MAST2: variants seen among roughly 807,000 people sequenced by gnomAD.
MAST2 encodes the protein microtubule-associated serine/threonine-protein kinase 2.
A neutral mutation model predicts 147.4 loss-of-function variants in MAST2; 70 were observed. That is an observed-to-expected ratio of 0.47 (90% CI 0.39 to 0.58). MAST2 has a LOEUF of 0.58. Among genes scored for constraint, MAST2 ranks in the 20% least tolerant of loss-of-function variants. MAST2 has a pLI of 0.00. For synonymous variants in MAST2, 869 were observed against 896.8 expected, an observed-to-expected ratio of 0.97 and a Z score of 0.55; for missense variants, 2,080 against 2,302.3, an observed-to-expected ratio of 0.90 and a Z score of 1.98.
chr1:45,897,764 A>G (rs1486097514), intron 4 of MAST2, among the ~76,000 whole-genome samples: 3 of 151,492 alleles, frequency 2.0e-5, no homozygotes, highest in South Asian at 2.1e-4. Flanking sequence ...AGCCATAATC[A>G]CGCCGCTGCA....
chr1:45,914,837 C>A (rs1221696579), intron 4 of MAST2, among the ~76,000 whole-genome samples: 2 of 152,170 alleles, frequency 1.3e-5, no homozygotes, highest in African/African-American at 4.8e-5. Context: ...TAAAAACAGA[C>A]TTCATCAACT....
At chr1:45,955,373 A>G (rs994514162) in intron 4 of MAST2, among the ~76,000 whole-genome samples, 3 of 152,156 alleles carry the variant, frequency 2.0e-5, no homozygotes, top group African/African-American at 7.2e-5. Flanking sequence ...ATCCCTGCAA[A>G]TAGCTGTTAT....
chr1:45,902,780 ATAG>A (rs1650003218), intron 4 of MAST2, among the ~76,000 whole-genome samples: 1 of 152,034 alleles, frequency 6.6e-6, no homozygotes, highest in African/African-American at 2.4e-5. Context: ...TAGAGATGTT[ATAG>A]TAGTCTCTGA....
intron 4 of MAST2, among the ~76,000 whole-genome samples, chr1:45,949,342 A>G (rs1308277720): frequency 6.6e-6 from 1 of 152,256 alleles, no homozygotes; most frequent in African/African-American, 2.4e-5. Flanking sequence ...TCTAATATTC[A>G]GCATCTATAA....
intron 6 of MAST2, among the ~76,000 whole-genome samples, chr1:46,002,111 G>C (rs944364821): frequency 6.6e-6 from 1 of 151,786 alleles, no homozygotes; most frequent in Non-Finnish European, 1.5e-5. Context: ...GTGGCGGGGT[G>C]GGGGGGCATG....
intron 4 of MAST2, among the ~76,000 whole-genome samples, chr1:45,900,231 G>A (rs1333206947): frequency 2.0e-5 from 3 of 147,836 alleles, no homozygotes; most frequent in African/African-American, 7.5e-5. Context: ...TAGTGGGATT[G>A]CTAGATCAAA....
At chr1:45,939,603 C>T (rs551892421) in intron 4 of MAST2, among the ~76,000 whole-genome samples, 6 of 152,004 alleles carry the variant, frequency 3.9e-5, no homozygotes, top group Admixed American at 1.3e-4. Context: ...TGCAATAGCG[C>T]GATCTCAGCT....
chr1:46,008,098 C>T (rs1260593832), intron 8 of MAST2, among the ~76,000 whole-genome samples, 198 bp from the exon 9 acceptor site: 1 of 152,092 alleles, frequency 6.6e-6, no homozygotes, highest in Non-Finnish European at 1.5e-5. Context: ...AGCCTAGCTC[C>T]ATATAGTACC....
intron 1 of MAST2, among the ~76,000 whole-genome samples, chr1:45,811,140 C>T (rs1393702821): frequency 1.3e-5 from 2 of 149,344 alleles, no homozygotes; most frequent in Non-Finnish European, 1.5e-5. Context: ...CGTGGGCCAC[C>T]GTGCCTAGCC....
intron 3 of MAST2, among the ~76,000 whole-genome samples, chr1:45,830,642 G>A (rs975110520): frequency 7.9e-5 from 12 of 152,264 alleles, no homozygotes; most frequent in East Asian, 3.9e-4. Flanking sequence ...CAGTTGTGCT[G>A]CTTTGGTTTA....
At chr1:45,837,700 C>A (rs920002901) in intron 3 of MAST2, among the ~76,000 whole-genome samples, 1 of 152,160 alleles carries the variant, frequency 6.6e-6, no homozygotes, top group African/African-American at 2.4e-5. Context: ...AAGAAACTGC[C>A]AACCTGTTTT....
At chr1:45,960,578 G>A (rs890898839) in intron 5 of MAST2, among the ~76,000 whole-genome samples, 1 of 152,186 alleles carries the variant, frequency 6.6e-6, no homozygotes, top group African/African-American at 2.4e-5. Flanking sequence ...CCAGAGAGGG[G>A]CAGAAGAAAG....
chr1:45,813,519 A>T (rs1177075131), intron 1 of MAST2, among the ~76,000 whole-genome samples: 2 of 142,846 alleles, frequency 1.4e-5, no homozygotes, highest in Non-Finnish European at 3.0e-5. Flanking sequence ...TTTTTTTGAG[A>T]CGAAGTTTTG....
At chr1:45,917,632 G>A in intron 4 of MAST2, 2 of 874,896 alleles carry the variant, frequency 2.3e-6, no homozygotes, top group Non-Finnish European at 3.3e-6. Context: ...AATGGAGTAA[G>A]AGTCTTGGTT....
chr1:45,995,122 GAGC>G (rs894391798), intron 5 of MAST2, among the ~76,000 whole-genome samples: 4 of 152,096 alleles, frequency 2.6e-5, no homozygotes, highest in Admixed American at 1.3e-4. Flanking sequence ...TTACGGGCGT[GAGC>G]CACCACGCCT....
In MAST2 at chr1:46,030,688, AAGG is replaced by A; in HGVS notation, c.2640_2642del (p.Glu880del). On this transcript the variant is annotated inframe_deletion, in exon 22 of 29. Coordinates refer to ENST00000361297, the MANE Select transcript of MAST2 (RefSeq NM_015112.3). ...GACCAAGCGCAGCCTGAGTGAGGAGAAGGAGGACCATTCAGATGGCCTGGCAGG... is the reference window on the plus strand; with the variant it reads ...GACCAAGCGCAGCCTGAGTGAGGAGAAGGACCATTCAGATGGCCTGGCAGG... 6.2e-7 allele frequency: 1 copy of A among 1,608,880 alleles called. No homozygotes were observed. The highest frequency in any genetic ancestry group is 8.5e-7 in the Non-Finnish European group (1 of 1,178,456).
chr1:45,835,648 G>A (rs1305155372), intron 3 of MAST2, among the ~76,000 whole-genome samples: 1 of 152,028 alleles, frequency 6.6e-6, no homozygotes, highest in African/African-American at 2.4e-5. Context: ...GTACATTTTA[G>A]TGGCATTTCA....
rs182211470 is a variant in MAST2, at chr1:46,033,916, C to T, written c.3652C>T (p.Arg1218Cys). The T allele has an allele frequency of 6.9e-5, 112 of 1,614,082 alleles. No homozygotes were observed. The highest frequency in any genetic ancestry group is 3.3e-5 in the South Asian group (3 of 91,066). ...GATGGCCCGAAGGAGCAAGAGGAGC[C>T]GCGGCAAGGATGGGCAAGAAAGGTG... The part of the protein sequence containing the change: ...AKMARRSKRS[R>C]GKDGQESRKR... Residue 1218 changes from arginine to cysteine, a missense_variant, in exon 27 of 29, where the codon CGC becomes TGC. Physicochemically the swap from Arg to Cys is radical, Grantham distance 180. Transcript: ENST00000361297.
chr1:45,867,167 T>C (rs1354219539), intron 3 of MAST2, among the ~76,000 whole-genome samples: 1 of 152,260 alleles, frequency 6.6e-6, no homozygotes, highest in East Asian at 1.9e-4. Flanking sequence ...TTGTTTTAAA[T>C]AGTTACATTA....
Sources: allele counts gnomAD v4.1 joint callset (sites outside exome capture counted in the v4.1 genomes callset), GRCh38; gene constraint gnomAD v4.1.1; transcripts MANE v1.5; gene names NCBI Gene and HGNC (gene_info 2026-07-23, HGNC 2026-07-21).